Variants in TSPAN14 observed in about 807,000 individuals in gnomAD.
TSPAN14 encodes the protein tetraspanin-14.
In TSPAN14, 16 loss-of-function variants were observed where a neutral mutation model predicts 36.6. The ratio of observed to expected loss-of-function variants is 0.44; its 90% CI spans 0.30 to 0.66. The LOEUF is 0.66. Ranked by LOEUF, TSPAN14 falls within the 30% of genes least tolerant of loss-of-function variation. The pLI is 0.12. For synonymous variants in TSPAN14, 139 were observed against 143.8 expected (o/e 0.97, Z 0.24); for missense variants, 231 against 355.1 (o/e 0.65, Z 2.81).
intron 1 of TSPAN14, among the ~76,000 whole-genome samples, chr10:80,483,622 A>C (rs898025749): frequency 2.0e-5 from 3 of 151,974 alleles, no homozygotes; most frequent in Non-Finnish European, 2.9e-5. Context: ...AAAAAGTGTA[A>C]AGTAGGCCGG....
chr10:80,516,623 G>T (rs1840955958), intron 8 of TSPAN14, among the ~76,000 whole-genome samples: 1 of 152,222 alleles, frequency 6.6e-6, no homozygotes, highest in African/African-American at 2.4e-5. Flanking sequence ...GGCCCAATGG[G>T]CTGCAGAAGG....
intron 1 of TSPAN14, among the ~76,000 whole-genome samples, chr10:80,457,500 T>C (rs1845788580): frequency 6.6e-6 from 1 of 152,200 alleles, no homozygotes; most frequent in Admixed American, 6.5e-5. Flanking sequence ...GGTTTTCTCA[T>C]TTCTAATTTA....
intron 1 of TSPAN14, among the ~76,000 whole-genome samples, chr10:80,488,739 G>T (rs1439589796): frequency 6.6e-6 from 1 of 152,140 alleles, no homozygotes; most frequent in Non-Finnish European, 1.5e-5. Flanking sequence ...GCTCTTTGTG[G>T]TCAAGCCCGT....
chr10:80,478,264 A>C (rs985547819), intron 1 of TSPAN14, among the ~76,000 whole-genome samples: 4 of 152,364 alleles, frequency 2.6e-5, no homozygotes, highest in Middle Eastern at 6.8e-3. Context: ...CAAAGATATC[A>C]GTAGTAGTAT....
intron 1 of TSPAN14, among the ~76,000 whole-genome samples, chr10:80,480,298 C>T (rs1847185060): frequency 6.6e-6 from 1 of 151,942 alleles, no homozygotes; most frequent in Non-Finnish European, 1.5e-5. Context: ...CTTCTCCTGC[C>T]TAATTGCCCT....
chr10:80,489,930 G>A (rs1847833706), intron 2 of TSPAN14, among the ~76,000 whole-genome samples: 1 of 152,102 alleles, frequency 6.6e-6, no homozygotes, highest in Non-Finnish European at 1.5e-5. Context: ...AGCTGCAAAG[G>A]GCCTGAGGCA....
chr10:80,469,808 G>A (rs1943477315), intron 1 of TSPAN14, among the ~76,000 whole-genome samples: 1 of 151,952 alleles, frequency 6.6e-6, no homozygotes, highest in Admixed American at 6.6e-5. Flanking sequence ...CAGGCTGGGG[G>A]AGCCAGGCCC....
intron 2 of TSPAN14, among the ~76,000 whole-genome samples, chr10:80,503,043 G>A (rs901475267): frequency 1.3e-5 from 2 of 152,102 alleles, no homozygotes; most frequent in Non-Finnish European, 2.9e-5. Flanking sequence ...AATGAGGTCA[G>A]ATACCATGAG....
chr10:80,508,397 C>T lies in TSPAN14; in HGVS notation c.280-904C>T, dbSNP rs560601831. On this transcript the variant is annotated intron_variant, in intron 4 of 8. Coordinates refer to ENST00000429989, the Ensembl canonical transcript of TSPAN14. ...CCTCCCAAAGTGCTGGGATTACAGG[C>T]GTGAACCACCGCGCCCGGCCGTGTG... Among the ~76,000 whole-genome samples the T allele has an allele frequency of 8.5e-5, 13 of 152,296 alleles. No individual in the cohort carries two copies. The East Asian group carries it at 1.9e-3, about 23-fold the overall frequency.
chr10:80,469,681 T>G (rs1564712840), intron 1 of TSPAN14, among the ~76,000 whole-genome samples: 1 of 152,228 alleles, frequency 6.6e-6, no homozygotes, highest in Non-Finnish European at 1.5e-5. Flanking sequence ...CCTCCTCTCT[T>G]TTGACATTCA....
Position 80,494,684 on chromosome 10 carries a change from G to T in TSPAN14, c.81+5370G>T, listed in dbSNP as rs11185737. Among the ~76,000 whole-genome samples the T allele has an allele frequency of 2.3e-3, 343 of 152,240 alleles. 2 individuals carry two copies. Among genetic ancestry groups the T allele is most frequent in the African/African-American group, 8.0e-3 (331 of 41,532 alleles). ...GCTGAACTCTGCTCCTTTGATATCA[G>T]ACCCCAAGGCCTGATCCCTAGATCT... On this transcript the variant is annotated intron_variant, in intron 2 of 8. Transcript: ENST00000429989.
intron 1 of TSPAN14, among the ~76,000 whole-genome samples, chr10:80,465,340 C>T (rs940444460): frequency 1.3e-5 from 2 of 152,198 alleles, no homozygotes; most frequent in Non-Finnish European, 2.9e-5. Context: ...TGTGTGCTGG[C>T]AGCTCAGCCT....
intron 2 of TSPAN14, among the ~76,000 whole-genome samples, chr10:80,502,309 C>G (rs188064237): frequency 1.3e-5 from 2 of 152,108 alleles, no homozygotes; most frequent in African/African-American, 4.8e-5. Context: ...TGGGAGAGAC[C>G]GTGCATTTTC....
At chr10:80,478,050 C>T (rs1847024603) in intron 1 of TSPAN14, among the ~76,000 whole-genome samples, 1 of 151,876 alleles carries the variant, frequency 6.6e-6, no homozygotes, top group African/African-American at 2.4e-5. Context: ...TGCGGACTGC[C>T]AGGGATTACT....
At chr10:80,479,460 A>G (rs1461530927) in intron 1 of TSPAN14, among the ~76,000 whole-genome samples, 1 of 152,188 alleles carries the variant, frequency 6.6e-6, no homozygotes, top group African/African-American at 2.4e-5. Context: ...ATCTTGAACT[A>G]ATTTTTGTAT....
At chr10:80,468,899 G>A (rs1478515362) in intron 1 of TSPAN14, among the ~76,000 whole-genome samples, 1 of 152,032 alleles carries the variant, frequency 6.6e-6, no homozygotes, top group African/African-American at 2.4e-5. Context: ...GCCTCAGCCA[G>A]CCACACTGTC....
At chr10:80,484,309 A>G (rs972321401) in intron 1 of TSPAN14, among the ~76,000 whole-genome samples, 1 of 151,524 alleles carries the variant, frequency 6.6e-6, no homozygotes, top group African/African-American at 2.4e-5. Flanking sequence ...GACATTGAAA[A>G]TTTTTCCTTT....
intron 1 of TSPAN14, among the ~76,000 whole-genome samples, 190 bp downstream of exon 1, chr10:80,454,561 C>G (rs184371925): frequency 6.6e-6 from 1 of 151,872 alleles, no homozygotes; most frequent in Non-Finnish European, 1.5e-5. Flanking sequence ...CAGGATTGCT[C>G]GCTAGAGGTT....
chr10:80,511,151 A>G lies in TSPAN14; in HGVS notation c.451-993A>G, dbSNP rs544765147. 4.6e-5 allele frequency among the ~76,000 whole-genome samples: 7 copies of G among 152,338 alleles called. 1 individual carries two copies. The highest frequency in any genetic ancestry group is 2.1e-4 in the South Asian group (1 of 4,828). The stretch of plus-strand genomic sequence containing the variant: ...TTTTTTAGGGGAAAAGACACTGTCA[A>G]CTTCACAATGATGCTTTCAGTGTTT... On this transcript the variant is annotated intron_variant, in intron 5 of 8. Transcript: ENST00000429989.
Sources: gnomAD v4.1 joint callset for allele counts (sites outside exome capture counted in the v4.1 genomes callset) on GRCh38, gnomAD v4.1.1 for gene constraint, MANE v1.5 for transcripts, NCBI Gene and HGNC (gene_info 2026-07-23, HGNC 2026-07-21) for gene names.